Variants in WIF1 observed in about 807,000 individuals in gnomAD.
The protein encoded by WIF1 is Wnt inhibitory factor 1.
WIF1 carries 35 observed loss-of-function variants against 53.5 expected under a neutral mutation model. The observed-to-expected ratio is 0.65, with a 90% CI of 0.50 to 0.87. The LOEUF is 0.87. WIF1 is among the 40% of genes least tolerant of loss of function. WIF1 has a pLI of 0.00. For missense variants in WIF1, 467 were observed against 476.8 expected (o/e 0.98, Z 0.19); for synonymous variants, 171 against 170.4 (o/e 1.00, Z -0.03).
chr12:65,077,924 G>A (rs549266291), intron 2 of WIF1, 70 bp from the exon 3 acceptor site: 60 of 1,179,588 alleles, frequency 5.1e-5, no homozygotes, highest in East Asian at 2.6e-4. Context: ...AGAATTCATC[G>A]TCCATCTGAT....
intron 2 of WIF1, among the ~76,000 whole-genome samples, chr12:65,083,109 C>G (rs894193063): frequency 1.3e-5 from 2 of 152,090 alleles, no homozygotes; most frequent in Non-Finnish European, 2.9e-5. Context: ...TTATTTAATT[C>G]TCACAACAGC....
chr12:65,118,460 C>T (rs995343454), intron 2 of WIF1, among the ~76,000 whole-genome samples: 7 of 150,308 alleles, frequency 4.7e-5, no homozygotes, highest in African/African-American at 1.5e-4. Flanking sequence ...AGATTCTTCC[C>T]CCTCACCACC....
chr12:65,104,766 A>T (rs1202860343), intron 2 of WIF1, among the ~76,000 whole-genome samples: 1 of 152,208 alleles, frequency 6.6e-6, no homozygotes, highest in African/African-American at 2.4e-5. Context: ...CAAGGTTTAC[A>T]GGCAAAAATA....
intron 2 of WIF1, among the ~76,000 whole-genome samples, chr12:65,094,873 T>TCTC (rs991135638): frequency 6.6e-6 from 1 of 151,690 alleles, no homozygotes; most frequent in African/African-American, 2.4e-5. Flanking sequence ...TATCATGGAT[T>TCTC]CTCCTCCTCC....
rs11539163 is a variant in WIF1 at position 65,121,164 on chromosome 12, C to T, written c.28G>A (p.Ala10Thr). The change falls in exon 1 of 10, where the codon GCC becomes ACC. Residue 10 changes from alanine (A) to threonine (T), a missense_variant. Ala to Thr is a moderately conservative substitution (Grantham distance 58). Transcript: ENST00000286574. ...AGGATGCTCCAGAGCCAGAGCGCGG[C>T]GGCAGGGAAGGCGCTCCTCCGGGCC... The part of the protein sequence containing the change: MARRSAFPA[A>T]ALWLWSILLC... The T allele has an allele frequency of 5.2e-6, 8 of 1,545,292 alleles. No individual in the cohort carries two copies. The South Asian group carries it at 9.7e-5, about 19-fold the overall frequency.
At chr12:65,057,895 A>T (rs746994791) in intron 7 of WIF1, among the ~76,000 whole-genome samples, 9 of 152,292 alleles carry the variant, frequency 5.9e-5, no homozygotes, top group Non-Finnish European at 1.2e-4. Flanking sequence ...GACTTTATTC[A>T]TATATAAGTA....
intron 7 of WIF1, among the ~76,000 whole-genome samples, chr12:65,061,076 A>G (rs1882604410): frequency 6.6e-6 from 1 of 152,178 alleles, no homozygotes; most frequent in Admixed American, 6.5e-5. Context: ...GGGAAAATTG[A>G]GGGGAGTTAG....
chr12:65,072,915 C>A (rs890217393), intron 3 of WIF1, among the ~76,000 whole-genome samples: 20 of 152,212 alleles, frequency 1.3e-4, no homozygotes, highest in African/African-American at 4.8e-4. Context: ...ATTAAAACAA[C>A]TCAGAAAAAC....
At chr12:65,106,625 C>G in intron 2 of WIF1, among the ~76,000 whole-genome samples, 1 of 152,128 alleles carries the variant, frequency 6.6e-6, no homozygotes, top group East Asian at 1.9e-4. Flanking sequence ...GGATTACAGG[C>G]GTGAGCCACT....
chr12:65,076,960 A>C (rs1030578872), intron 3 of WIF1, among the ~76,000 whole-genome samples: 1 of 152,114 alleles, frequency 6.6e-6, no homozygotes, highest in African/African-American at 2.4e-5. Context: ...AAATTCAGAG[A>C]AAAAAGATGA....
At position 65,051,405 on chromosome 12, in the gene WIF1, A is replaced by T. The variant is rs1371432436; in HGVS notation, c.1084T>A (p.Ser362Thr). 5.0e-6 allele frequency: 8 copies of T among 1,613,924 alleles called. No homozygotes were observed. Among genetic ancestry groups the T allele is most frequent in the Non-Finnish European group, 6.8e-6 (8 of 1,179,920 alleles). ...AGAQLRQHTP[S>T]LKKAEERRDP... ...CGCCGCTCCTCGGCCTTTTTAAGTGAAGGCGTGTGCTGCCTGAGCTGGGCG... is the reference window on the plus strand; with the variant it reads ...CGCCGCTCCTCGGCCTTTTTAAGTGTAGGCGTGTGCTGCCTGAGCTGGGCG... The change falls in exon 10 of 10, where the codon TCA becomes ACA. Residue 362 changes from serine (S) to threonine (T), a missense_variant. By Grantham distance (58) the Ser-to-Thr change is moderately conservative. Coordinates refer to ENST00000286574, the MANE Select transcript of WIF1 (RefSeq NM_007191.5).
chr12:65,088,431 T>C (rs1883074545), intron 2 of WIF1, among the ~76,000 whole-genome samples: 1 of 152,174 alleles, frequency 6.6e-6, no homozygotes, highest in South Asian at 2.1e-4. Flanking sequence ...TCTGTGCACA[T>C]GTAAGTATAC....
intron 3 of WIF1, among the ~76,000 whole-genome samples, chr12:65,069,523 T>C (rs533128374): frequency 2.0e-5 from 3 of 152,344 alleles, no homozygotes; most frequent in East Asian, 3.9e-4. Context: ...GTTAATATTT[T>C]CTCAGGCTGT....
chr12:65,106,892 A>C (rs1883360639), intron 2 of WIF1, among the ~76,000 whole-genome samples: 1 of 152,246 alleles, frequency 6.6e-6, no homozygotes. Flanking sequence ...AAATTTGAGC[A>C]ATTACTTAAA....
intron 2 of WIF1, among the ~76,000 whole-genome samples, chr12:65,093,245 G>T (rs1883151765): frequency 6.6e-6 from 1 of 152,136 alleles, no homozygotes; most frequent in Non-Finnish European, 1.5e-5. Flanking sequence ...AAAGAGTAAA[G>T]ATCGCTCTGT....
At chr12:65,096,233 A>G (rs531737305) in intron 2 of WIF1, among the ~76,000 whole-genome samples, 9 of 152,380 alleles carry the variant, frequency 5.9e-5, no homozygotes, top group African/African-American at 2.2e-4. Flanking sequence ...TCAAAAGAAG[A>G]CATTTATATG....
chr12:65,116,597 T>C lies in WIF1; in HGVS notation c.288+3820A>G, dbSNP rs149006958. On this transcript the variant is annotated intron_variant, in intron 2 of 9. Coordinates refer to ENST00000286574, the MANE Select transcript of WIF1 (RefSeq NM_007191.5). ...GAAATAAAGTGCACTATCCATGTAA[T>C]GCACTTGAATCATCCTGAAACCATC... is the stretch of plus-strand genomic sequence containing the variant. Among the ~76,000 whole-genome samples the C allele has an allele frequency of 2.8e-3, 421 of 152,130 alleles. 6 individuals are homozygous for C. In the South Asian group the frequency reaches 0.035, roughly 13 times the overall value.
At chr12:65,071,254 A>T (rs1592391169) in intron 3 of WIF1, among the ~76,000 whole-genome samples, 1 of 127,710 alleles carries the variant, frequency 7.8e-6, no homozygotes, top group East Asian at 2.3e-4. Context: ...AAAAAAAAAA[A>T]GGAAAGAAAG....
intron 2 of WIF1, among the ~76,000 whole-genome samples, chr12:65,088,068 G>T (rs1173815318): frequency 6.6e-6 from 1 of 152,106 alleles, no homozygotes; most frequent in Non-Finnish European, 1.5e-5. Context: ...AAGAAAAAGA[G>T]AAACTAAGGC....
Sources: allele counts gnomAD v4.1 joint callset (sites outside exome capture counted in the v4.1 genomes callset), GRCh38; gene constraint gnomAD v4.1.1; transcripts MANE v1.5; gene names NCBI Gene and HGNC (gene_info 2026-07-23, HGNC 2026-07-21).